PCDH9: variants seen among roughly 807,000 people sequenced by gnomAD.
PCDH9 encodes protocadherin-9.
A neutral mutation model predicts 70.6 loss-of-function variants in PCDH9; 24 were observed. That is an observed-to-expected ratio of 0.34 (90% CI 0.25 to 0.48). The LOEUF (loss-of-function observed/expected upper bound fraction) is 0.48. Ranked by LOEUF, PCDH9 falls within the 20% of genes least tolerant of loss-of-function variation. PCDH9 has a pLI of 0.99. For synonymous variants in PCDH9, 562 were observed against 558.5 expected (o/e 1.01, Z -0.09); for missense variants, 1,281 against 1,503.6 (o/e 0.85, Z 2.45).
chr13:66,713,655 T>TATATATATA (rs1474635736), intron 3 of PCDH9, among the ~76,000 whole-genome samples: 11 of 63,656 alleles, frequency 1.7e-4, no homozygotes, highest in South Asian at 5.1e-4. Flanking sequence ...ATATATATAA[T>TATATATATA]GTACACACAC....
At chr13:66,532,599 G>C (rs1354338552) in intron 4 of PCDH9, among the ~76,000 whole-genome samples, 6 of 152,074 alleles carry the variant, frequency 3.9e-5, no homozygotes, top group Non-Finnish European at 2.9e-5. Flanking sequence ...CTGGAGTGCA[G>C]TGGCCCAATC....
intron 2 of PCDH9, among the ~76,000 whole-genome samples, chr13:67,195,663 A>T (rs1363279498): frequency 6.6e-6 from 1 of 152,170 alleles, no homozygotes; most frequent in African/African-American, 2.4e-5. Context: ...TTATATTTTG[A>T]CAATATTGAT....
chr13:67,222,158 A>G (rs1182097407), intron 2 of PCDH9: 1 of 151,948 alleles, frequency 6.6e-6, no homozygotes, highest in East Asian at 1.9e-4. Context: ...CAAATATACC[A>G]ATGAATTTTA....
intron 3 of PCDH9, among the ~76,000 whole-genome samples, chr13:66,713,623 G>GTATATATATATATA (rs762817724): frequency 0.041 from 3,810 of 92,220 alleles, 128 homozygotes; most frequent in East Asian, 0.061. Context: ...GTGTGTGTGT[G>GTATATATATATATA]TGTATATATA....
chr13:67,225,086 A>G, intron 2 of PCDH9: 1 of 1,188,126 alleles, frequency 8.4e-7, no homozygotes. Flanking sequence ...CCCCAGGAGC[A>G]GAATTTGGCA....
intron 3 of PCDH9, among the ~76,000 whole-genome samples, chr13:66,721,917 T>C (rs910946028): frequency 3.9e-5 from 6 of 152,170 alleles, no homozygotes; most frequent in Non-Finnish European, 7.3e-5. Flanking sequence ...GACACGAGCA[T>C]CCAATTTATA....
chr13:66,450,167 T>C (rs1958175638), intron 4 of PCDH9, among the ~76,000 whole-genome samples: 1 of 152,204 alleles, frequency 6.6e-6, no homozygotes, highest in Non-Finnish European at 1.5e-5. Flanking sequence ...ATTTATGATC[T>C]TTCAATATTG....
intron 2 of PCDH9, among the ~76,000 whole-genome samples, chr13:66,907,128 C>T (rs1036627231): frequency 1.3e-5 from 2 of 151,958 alleles, no homozygotes; most frequent in African/African-American, 4.8e-5. Flanking sequence ...AGCTTGAGCT[C>T]GAGAGCTGGA....
chr13:66,377,269 G>A (rs1379950561), intron 4 of PCDH9, among the ~76,000 whole-genome samples: 1 of 152,070 alleles, frequency 6.6e-6, no homozygotes, highest in Non-Finnish European at 1.5e-5. Flanking sequence ...ATCTTAGAAG[G>A]ATCAGAAGCA....
At chr13:66,320,026 A>G (rs1955725545) in intron 4 of PCDH9, among the ~76,000 whole-genome samples, 1 of 152,106 alleles carries the variant, frequency 6.6e-6, no homozygotes, top group East Asian at 1.9e-4. Flanking sequence ...GTCAAAATAG[A>G]AATTATAAAA....
At chr13:66,728,039 C>A (rs2079028250) in intron 3 of PCDH9, among the ~76,000 whole-genome samples, 1 of 151,980 alleles carries the variant, frequency 6.6e-6, no homozygotes, top group South Asian at 2.1e-4. Context: ...TTAACATATG[C>A]CTCCTCACAC....
chr13:66,509,576 ACTT>A (rs1283049369), intron 4 of PCDH9, among the ~76,000 whole-genome samples: 1 of 152,000 alleles, frequency 6.6e-6, no homozygotes, highest in Non-Finnish European at 1.5e-5. Flanking sequence ...TTGTTTTGGT[ACTT>A]CTTTCTCTCT....
intron 2 of PCDH9, among the ~76,000 whole-genome samples, chr13:66,968,815 T>G (rs950530532): frequency 2.0e-5 from 3 of 152,016 alleles, no homozygotes; most frequent in African/African-American, 7.2e-5. Context: ...CACAAATATA[T>G]GATCTTTAAC....
Position 66,748,110 on chromosome 13 carries a change from C to T in PCDH9, c.3139-116699G>A, listed in dbSNP as rs1478348908. Among the ~76,000 whole-genome samples the T allele has an allele frequency of 4.6e-5, 7 of 152,066 alleles. No individual in the cohort carries two copies. The East Asian group carries it at 5.8e-4, about 13-fold the overall frequency. On this transcript the variant is annotated intron_variant, in intron 3 of 4. Transcript: ENST00000377865. Reference sequence around the variant, plus strand: ...AAAAACTTGAATTGCTGATATATCTCGAAGCATATTGTAAATTTAAGAGGT... The same window carrying T: ...AAAAACTTGAATTGCTGATATATCTTGAAGCATATTGTAAATTTAAGAGGT...
chr13:67,155,232 TC>T (rs2087780849), intron 2 of PCDH9, among the ~76,000 whole-genome samples: 1 of 152,236 alleles, frequency 6.6e-6, no homozygotes, highest in African/African-American at 2.4e-5. Context: ...CTCAAGTTAT[TC>T]CAGTATCATT....
At chr13:66,778,959 T>C (rs548242523) in intron 3 of PCDH9, among the ~76,000 whole-genome samples, 1 of 152,330 alleles carries the variant, frequency 6.6e-6, no homozygotes, top group African/African-American at 2.4e-5. Flanking sequence ...TCAGTTTCAG[T>C]TTCTTTCACA....
intron 4 of PCDH9, among the ~76,000 whole-genome samples, chr13:66,355,597 C>T (rs144863382): frequency 6.6e-5 from 10 of 152,184 alleles, no homozygotes; most frequent in Non-Finnish European, 1.2e-4. Context: ...TGTGTTAGAT[C>T]AGCTTTGTTC....
Position 66,478,264 on chromosome 13 carries a change from C to T in PCDH9, c.3340+152946G>A, listed in dbSNP as rs528053895. Among the ~76,000 whole-genome samples, 17 of 152,262 alleles carry T rather than the reference C, an allele frequency of 1.1e-4. No homozygotes were observed. In the South Asian group the frequency reaches 3.5e-3, roughly 32 times the overall value. ...GACTGCTCCACCAACTAGCCATTCC[C>T]CAGCCTTTCTTTATTTCCTTGGACC... On this transcript the variant is annotated intron_variant, in intron 4 of 4. Coordinates refer to ENST00000377865, the MANE Select transcript of PCDH9 (RefSeq NM_203487.3).
At chr13:67,055,345 A>C (rs1464840326) in intron 2 of PCDH9, among the ~76,000 whole-genome samples, 1 of 152,218 alleles carries the variant, frequency 6.6e-6, no homozygotes, top group Non-Finnish European at 1.5e-5. Flanking sequence ...ACAGTTGTTA[A>C]GATTTTAAGA....
Sources: gnomAD v4.1 joint callset for allele counts (sites outside exome capture counted in the v4.1 genomes callset) on GRCh38, gnomAD v4.1.1 for gene constraint, MANE v1.5 for transcripts, NCBI Gene and HGNC (gene_info 2026-07-23, HGNC 2026-07-21) for gene names.